KCNK5: variants seen among roughly 807,000 people sequenced by gnomAD.
KCNK5 encodes the protein potassium channel subfamily K member 5.
A neutral mutation model predicts 32.9 loss-of-function variants in KCNK5; 18 were observed. The observed-to-expected ratio is 0.55, with a 90% CI of 0.38 to 0.81. The LOEUF (loss-of-function observed/expected upper bound fraction) is 0.81. Ranked by LOEUF, KCNK5 falls within the 30% of genes least tolerant of loss-of-function variation. KCNK5 has a pLI of 0.00. For missense variants in KCNK5, 507 were observed against 651.0 expected (o/e 0.78, Z 2.41); for synonymous variants, 276 against 275.3 (o/e 1.00, Z -0.03).
At chr6:39,227,472 C>A (rs1188108232) in intron 1 of KCNK5, among the ~76,000 whole-genome samples, 1 of 152,056 alleles carries the variant, frequency 6.6e-6, no homozygotes, top group Non-Finnish European at 1.5e-5. Flanking sequence ...ACCAACCAAC[C>A]ATCTACTGAA....
At chr6:39,218,334 G>A (rs1217764076) in intron 1 of KCNK5, among the ~76,000 whole-genome samples, 1 of 152,166 alleles carries the variant, frequency 6.6e-6, no homozygotes, top group Non-Finnish European at 1.5e-5. Context: ...CTCCCGAAGT[G>A]GTGGGATTAT....
intron 1 of KCNK5, among the ~76,000 whole-genome samples, chr6:39,210,503 C>T (rs1291282775): frequency 3.3e-5 from 5 of 152,170 alleles, no homozygotes; most frequent in South Asian, 4.1e-4. Flanking sequence ...ACCAGCTCCC[C>T]GACCCATGCA....
intron 1 of KCNK5, among the ~76,000 whole-genome samples, chr6:39,208,042 G>A (rs1387182540): frequency 1.3e-5 from 2 of 151,960 alleles, no homozygotes; most frequent in Non-Finnish European, 2.9e-5. Context: ...CCCAACCCAG[G>A]GGCCTCCTCA....
intron 1 of KCNK5, among the ~76,000 whole-genome samples, chr6:39,211,310 C>A (rs542477843): frequency 7.9e-5 from 12 of 152,288 alleles, no homozygotes; most frequent in African/African-American, 2.9e-4. Flanking sequence ...GGTCCACCTC[C>A]AAGGGAGCCA....
chr6:39,227,847 C>G (rs1771702593), intron 1 of KCNK5, among the ~76,000 whole-genome samples: 1 of 152,126 alleles, frequency 6.6e-6, no homozygotes, highest in African/African-American at 2.4e-5. Context: ...GTAGACTAAA[C>G]GTTGCTTCTC....
In KCNK5 at chr6:39,191,484, G is replaced by A. The variant is rs151295590; in HGVS notation, c.906C>T (p.Asn302=). 209 of 1,613,664 alleles carry A rather than the reference G, an allele frequency of 1.3e-4. No homozygotes were observed. The highest frequency in any genetic ancestry group is 3.7e-4 in the Admixed American group (22 of 59,992). ...SFLSKKEETY[N]DLIKQIGKKA... ...TCTTCCCGATCTGCTTGATGAGGTC[G>A]TTGTAGGTCTCTTCCTTCTTGGAAA... is the stretch of plus-strand genomic sequence containing the variant. Residue 302 remains asparagine (N), a synonymous_variant, in exon 5 of 5, where the codon AAC becomes AAT. Transcript: ENST00000359534. This position sits in a 1 kb window ranked among gnomAD's most constrained non-coding sequence, Gnocchi z 5.8.
rs186749083 is a variant in KCNK5 at position 39,191,799 on chromosome 6, C to A, written c.635-44G>T. The A allele has an allele frequency of 5.3e-5, 84 of 1,580,910 alleles. No individual in the cohort carries two copies. The African/African-American group carries it at 9.7e-4, about 18-fold the overall frequency. The stretch of plus-strand genomic sequence containing the variant: ...CAGAGGTCAGGAAGAGTTAGCAGGG[C>A]CCGGGAAATGTGCAATGGCCAATGC... On this transcript the variant is annotated intron_variant, in intron 4 of 4. Transcript: ENST00000359534. This position sits in a 1 kb window ranked among gnomAD's most constrained non-coding sequence, Gnocchi z 5.8.
At chr6:39,226,497 C>T (rs1259129502) in intron 1 of KCNK5, among the ~76,000 whole-genome samples, 3 of 152,192 alleles carry the variant, frequency 2.0e-5, no homozygotes, top group East Asian at 1.9e-4. Context: ...ACTCAGACTG[C>T]ACCCCATCTC....
chr6:39,192,315 AC>A, intron 4 of KCNK5, among the ~76,000 whole-genome samples: 2 of 150,134 alleles, frequency 1.3e-5, no homozygotes, highest in Admixed American at 1.3e-4. Flanking sequence ...AAAAGTCAAG[AC>A]AGTGACTCTT....
At chr6:39,200,165 G>C (rs902635686) in intron 1 of KCNK5, among the ~76,000 whole-genome samples, 1 of 152,232 alleles carries the variant, frequency 6.6e-6, no homozygotes. Context: ...CAGCTTTCGC[G>C]GGAGGAGGCG....
chr6:39,210,577 G>A (rs1315287048), intron 1 of KCNK5, among the ~76,000 whole-genome samples: 1 of 152,210 alleles, frequency 6.6e-6, no homozygotes, highest in Non-Finnish European at 1.5e-5. Flanking sequence ...ACAAACTTCT[G>A]TTGCTCAATG....
chr6:39,211,382 A>G (rs1305166685), intron 1 of KCNK5, among the ~76,000 whole-genome samples: 1 of 152,196 alleles, frequency 6.6e-6, no homozygotes, highest in East Asian at 1.9e-4. Context: ...GCTTGCACAA[A>G]CACATGCTTT....
chr6:39,222,514 G>T (rs1243851673), intron 1 of KCNK5, among the ~76,000 whole-genome samples: 2 of 152,178 alleles, frequency 1.3e-5, no homozygotes. Context: ...GCAAAAATTT[G>T]ATGGAGTTCA....
chr6:39,217,503 C>T (rs923708443), intron 1 of KCNK5, among the ~76,000 whole-genome samples: 3 of 152,200 alleles, frequency 2.0e-5, no homozygotes, highest in African/African-American at 7.2e-5. Context: ...TTCCAAGAAG[C>T]CTTCCCTAAT....
At chr6:39,198,046 T>C (rs1374158835) in intron 1 of KCNK5, among the ~76,000 whole-genome samples, 1 of 152,178 alleles carries the variant, frequency 6.6e-6, no homozygotes, top group African/African-American at 2.4e-5. Context: ...GAAGAGGAAG[T>C]AGTGGGCACT....
At chr6:39,215,274 C>T (rs558213218) in intron 1 of KCNK5, among the ~76,000 whole-genome samples, 9 of 152,184 alleles carry the variant, frequency 5.9e-5, no homozygotes, top group Non-Finnish European at 1.0e-4. Flanking sequence ...CACCCCACTT[C>T]GCCCACTCAG....
In KCNK5 at chr6:39,191,181, C is replaced by T. The variant is rs755245011; in HGVS notation, c.1209G>A (p.Glu403=). The stretch of plus-strand genomic sequence containing the variant: ...GGTGGTAGTCCTGGGCGTCCCATGG[C>T]TCGCATTCCTCGCTGATGCGGTCCA... The part of the protein sequence containing the change: ...NQLDRISEEC[E]PWDAQDYHPL... The change falls in exon 5 of 5, where the codon GAG becomes GAA. Residue 403 remains glutamate (E), a synonymous_variant. Coordinates refer to ENST00000359534, the MANE Select transcript of KCNK5 (RefSeq NM_003740.4). The surrounding 1 kb of genome is among the most constrained non-coding windows in gnomAD (Gnocchi z 5.8). 4 of 1,614,220 alleles carry T rather than the reference C, an allele frequency of 2.5e-6. No individual in the cohort carries two copies. The East Asian group carries it at 6.7e-5, about 27-fold the overall frequency.
Position 39,217,118 on chromosome 6 carries a change from C to CAA in KCNK5, c.186+11806_186+11807dup, listed in dbSNP as rs57204833. 2.8e-3 allele frequency among the ~76,000 whole-genome samples: 208 copies of CAA among 74,310 alleles called. 1 individual carries two copies. The highest frequency in any genetic ancestry group is 5.9e-3 in the African/African-American group (129 of 21,916). The allele number at this position is 74,310 out of a possible 152,430, so 48.8% of individuals were successfully genotyped here. On this transcript the variant is annotated intron_variant, in intron 1 of 4. Coordinates refer to ENST00000359534, the MANE Select transcript of KCNK5 (RefSeq NM_003740.4). The stretch of plus-strand genomic sequence containing the variant: ...CTGGGCAACAAGAGCAAAACTCCAT[C>CAA]AAAAAAAAAAAAAAAAAAAAAAAAA...
chr6:39,189,083 G>GGT lies in KCNK5; in HGVS notation c.*1805_*1806dup, dbSNP rs1384701280. The stretch of plus-strand genomic sequence containing the variant: ...ATGCCAGGACAACCAGCAACAACAT[G>GGT]GTTCATTAAAACATTTCACAGAAAA... On this transcript the variant is annotated 3_prime_UTR_variant, in exon 5 of 5. Coordinates refer to ENST00000359534, the MANE Select transcript of KCNK5 (RefSeq NM_003740.4). 1 of 152,256 alleles carries GGT rather than the reference G, an allele frequency of 6.6e-6. No individual in the cohort carries two copies. The highest frequency in any genetic ancestry group is 1.5e-5 in the Non-Finnish European group (1 of 68,040). The allele number at this position is 152,256 out of a possible 1,614,324, so 9.4% of individuals were successfully genotyped here. A position where few individuals can be genotyped will look rare whatever the true frequency, so the allele number is the denominator to read the frequency against.
Sources: gnomAD v4.1 joint callset for allele counts (sites outside exome capture counted in the v4.1 genomes callset) on GRCh38, gnomAD v4.1.1 for gene constraint, Gnocchi (gnomAD v3.1) non-coding constraint, MANE v1.5 for transcripts, NCBI Gene and HGNC (gene_info 2026-07-23, HGNC 2026-07-21) for gene names.